The following ABCG2 variants were observed in gnomAD, a reference collection of about 807,000 sequenced individuals.
ABCG2 encodes broad substrate specificity ATP-binding cassette transporter ABCG2.
ABCG2 carries 80 observed loss-of-function variants against 73.5 expected under a neutral mutation model. That is an observed-to-expected ratio of 1.09 (90% CI 0.91 to 1.31). ABCG2 has a LOEUF of 1.31. Among genes scored for constraint, ABCG2 ranks in the 50% most tolerant of loss-of-function variants. The pLI is 0.00. For missense variants in ABCG2, 796 were observed against 786.2 expected, an observed-to-expected ratio of 1.01 and a Z score of -0.15; for synonymous variants, 269 against 282.4, an observed-to-expected ratio of 0.95 and a Z score of 0.48.
At chr4:88,157,560 TAA>T (rs995874488) in intron 1 of ABCG2, among the ~76,000 whole-genome samples, 2 of 152,164 alleles carry the variant, frequency 1.3e-5, no homozygotes, top group East Asian at 3.8e-4. Context: ...ATTTCACAAT[TAA>T]AAGTTATTAT....
At chr4:88,132,161 C>T (rs1724936240) in intron 3 of ABCG2, among the ~76,000 whole-genome samples, 1 of 152,208 alleles carries the variant, frequency 6.6e-6, no homozygotes, top group Non-Finnish European at 1.5e-5. Flanking sequence ...AAGCAAGACA[C>T]CATTGGCTGA....
chr4:88,209,065 C>T (rs538628408), intron 1 of ABCG2, among the ~76,000 whole-genome samples: 67 of 151,704 alleles, frequency 4.4e-4, no homozygotes, highest in African/African-American at 1.5e-3. Flanking sequence ...ATAATCTCAG[C>T]ACCTTGGGAG....
intron 15 of ABCG2, 124 bp from the exon 16 acceptor site, chr4:88,092,505 A>G (rs1578162312): frequency 1.0e-6 from 1 of 959,650 alleles, no homozygotes; most frequent in Non-Finnish European, 1.5e-6. Flanking sequence ...ACCCCTTCAG[A>G]TATCATAGCT....
chr4:88,132,723 G>C lies in ABCG2; in HGVS notation c.204-88C>G, dbSNP rs1212119790. On this transcript the variant is annotated intron_variant, in intron 2 of 15. Transcript: ENST00000237612. ...GTAGGCACTGAATATACTCAATGAAGGTTGATGAAATTACAAATAGAACAC... is the reference window on the plus strand; with the variant it reads ...GTAGGCACTGAATATACTCAATGAACGTTGATGAAATTACAAATAGAACAC... 2.9e-6 allele frequency: 4 copies of C among 1,401,950 alleles called. No homozygotes were observed. In the South Asian group the frequency reaches 4.7e-5, roughly 16 times the overall value. 86.8% of individuals were successfully genotyped at this position (1,401,950 alleles called of 1,614,324 possible).
At chr4:88,115,187 C>A in intron 7 of ABCG2, 129 bp from the exon 8 acceptor site, 1 of 564,090 alleles carries the variant, frequency 1.8e-6, no homozygotes, top group Non-Finnish European at 3.1e-6. Context: ...AACTTTCTTT[C>A]TCTCTTCTTC....
upstream of ABCG2, among the ~76,000 whole-genome samples, chr4:88,161,181 T>A (rs922273694): frequency 2.9e-4 from 43 of 149,360 alleles, no homozygotes; most frequent in Non-Finnish European, 3.9e-4. Flanking sequence ...TTTTTTTTTT[T>A]TTATTATACT....
At chr4:88,203,207 A>G (rs1039355230) in intron 1 of ABCG2, among the ~76,000 whole-genome samples, 1 of 152,086 alleles carries the variant, frequency 6.6e-6, no homozygotes, top group African/African-American at 2.4e-5. Flanking sequence ...GTGAGAAGAG[A>G]GTGGGGGATG....
At chr4:88,180,293 A>T (rs879798759) in intron 1 of ABCG2, among the ~76,000 whole-genome samples, 1 of 152,198 alleles carries the variant, frequency 6.6e-6, no homozygotes, top group East Asian at 1.9e-4. Context: ...TAAAGGAAAA[A>T]AACTTGGATC....
chr4:88,186,378 G>GT (rs1191494951), intron 1 of ABCG2, among the ~76,000 whole-genome samples: 4 of 152,192 alleles, frequency 2.6e-5, no homozygotes, highest in Non-Finnish European at 5.9e-5. Flanking sequence ...GCTTATGTCT[G>GT]TAACTCCCAA....
At chr4:88,181,034 G>C (rs1728211675) in intron 1 of ABCG2, among the ~76,000 whole-genome samples, 1 of 152,150 alleles carries the variant, frequency 6.6e-6, no homozygotes, top group African/African-American at 2.4e-5. Context: ...ATAAAGTTAA[G>C]TGTAGCATTT....
intron 1 of ABCG2, among the ~76,000 whole-genome samples, chr4:88,202,354 T>TTATATATATATATATATATATATA (rs57530549): frequency 2.7e-4 from 17 of 62,068 alleles, no homozygotes; most frequent in East Asian, 6.4e-4. Context: ...CTACAATTAT[T>TTATATATATATATATATATATATA]TATATATATA....
chr4:88,110,750 G>A (rs996431663), intron 9 of ABCG2, among the ~76,000 whole-genome samples: 8 of 151,618 alleles, frequency 5.3e-5, no homozygotes, highest in Admixed American at 2.6e-4. Context: ...CGGTAGAGCT[G>A]ACTACCTGAG....
chr4:88,210,238 T>C (rs1166974220), intron 1 of ABCG2, among the ~76,000 whole-genome samples: 1 of 151,878 alleles, frequency 6.6e-6, no homozygotes, highest in Non-Finnish European at 1.5e-5. Context: ...TATATACGTT[T>C]AAGACAGTGC....
chr4:88,162,137 CG>C, upstream of ABCG2, among the ~76,000 whole-genome samples: 1 of 152,058 alleles, frequency 6.6e-6, no homozygotes, highest in Middle Eastern at 3.4e-3. Flanking sequence ...GCTTGAGCCC[CG>C]GGGTTCAAGG....
At chr4:88,133,805 C>A (rs1725061866) in intron 2 of ABCG2, among the ~76,000 whole-genome samples, 1 of 152,140 alleles carries the variant, frequency 6.6e-6, no homozygotes, top group Non-Finnish European at 1.5e-5. Context: ...CTAGACCAGC[C>A]TGGCCAACAT....
At position 88,097,580 on chromosome 4, in the gene ABCG2, A is replaced by T; in HGVS notation, c.1520T>A (p.Phe507Tyr). The T allele has an allele frequency of 1.9e-6, 3 of 1,614,124 alleles. No individual in the cohort carries two copies. Among genetic ancestry groups the T allele is most frequent in the Non-Finnish European group, 2.5e-6 (3 of 1,179,966 alleles). Residue 507 changes from phenylalanine (F) to tyrosine (Y), a missense_variant, in exon 13 of 16, where the codon TTC (phenylalanine) becomes TAC (tyrosine). Transcript: ENST00000237612. ...LGLKPKADAF[F>Y]VMMFTLMMVA... is the part of the protein sequence containing the mutation. The stretch of plus-strand genomic sequence containing the variant: ...CATCATAAGGGTAAACATCATAACG[A>T]AGAAGGCATCTGCCTTTGGCTTCAA...
Position 88,092,122 on chromosome 4 carries a change from G to C in ABCG2, c.*112C>G. On this transcript the variant is annotated 3_prime_UTR_variant, in exon 16 of 16. Transcript: ENST00000237612. ...ATCTCTTTAAAACAATTGCTGCTGTGCAACAGTGTGATGGCAAGGGAACAG... is the reference window on the plus strand; with the variant it reads ...ATCTCTTTAAAACAATTGCTGCTGTCCAACAGTGTGATGGCAAGGGAACAG... The C allele has an allele frequency of 1.1e-6, 1 of 949,716 alleles. No homozygotes were observed. Among genetic ancestry groups the C allele is most frequent in the Non-Finnish European group, 1.6e-6 (1 of 642,000 alleles). The allele number at this position is 949,716 out of a possible 1,614,324, so 58.8% of individuals were successfully genotyped here.
At chr4:88,117,134 G>A (rs1723630364) in intron 7 of ABCG2, among the ~76,000 whole-genome samples, 2 of 151,728 alleles carry the variant, frequency 1.3e-5, no homozygotes, top group Non-Finnish European at 1.5e-5. Context: ...GACCATCCTG[G>A]GCAACATGGC....
At chr4:88,179,753 CA>C (rs1337821223) in intron 1 of ABCG2, among the ~76,000 whole-genome samples, 4 of 152,008 alleles carry the variant, frequency 2.6e-5, no homozygotes, top group Non-Finnish European at 5.9e-5. Context: ...AGGAATCAAA[CA>C]GAAATTATAG....
Sources: allele counts gnomAD v4.1 joint callset (sites outside exome capture counted in the v4.1 genomes callset), GRCh38; gene constraint gnomAD v4.1.1; transcripts MANE v1.5; gene names NCBI Gene and HGNC (gene_info 2026-07-23, HGNC 2026-07-21).